DCC: variants seen among roughly 807,000 people sequenced by gnomAD.
The protein encoded by DCC is DCC netrin 1 receptor.
DCC carries 58 observed loss-of-function variants against 172.5 expected under a neutral mutation model. The ratio of observed to expected loss-of-function variants is 0.34; its 90% CI spans 0.27 to 0.42. The LOEUF (loss-of-function observed/expected upper bound fraction) is 0.42. Ranked by LOEUF, DCC falls within the 10% of genes least tolerant of loss-of-function variation. The probability of loss-of-function intolerance (pLI) is 1.00; values close to 1 mark genes in which losing one functional copy is unlikely to be tolerated. For missense variants in DCC, 1,740 were observed against 1,791.0 expected (o/e 0.97, Z 0.51); for synonymous variants, 709 against 644.5 (o/e 1.10, Z -1.52).
intron 2 of DCC, among the ~76,000 whole-genome samples, chr18:52,825,699 C>A (rs1481515937): frequency 6.6e-6 from 1 of 151,966 alleles, no homozygotes; most frequent in East Asian, 1.9e-4. Context: ...TTAAAAAAAT[C>A]ACCTTATGTT....
intron 12 of DCC, among the ~76,000 whole-genome samples, chr18:53,239,044 T>C (rs1277176279): frequency 8.0e-5 from 2 of 24,928 alleles, no homozygotes; most frequent in Non-Finnish European, 1.5e-4. Flanking sequence ...GGGCCTGTTG[T>C]GGAGTGGGGG....
In DCC at chr18:53,322,079, G is replaced by T; in HGVS notation, c.2086G>T (p.Val696Leu). The part of the protein sequence containing the change: ...LEKGSQYSFQ[V>L]SAMTVNGTGP... Reference sequence around the variant, plus strand: ...GAAAGGAAGTCAGTACAGTTTCCAGGTGTCAGCCATGACAGTCAATGGTAC... The same window carrying T: ...GAAAGGAAGTCAGTACAGTTTCCAGTTGTCAGCCATGACAGTCAATGGTAC... Residue 696 changes from valine (V) to leucine (L), a missense_variant, in exon 14 of 29, where the codon GTG becomes TTG. This residue lies in a region of DCC where 1,732 missense variants were observed against 1,767.4 expected (regional missense o/e 0.98). Coordinates refer to ENST00000442544, the MANE Select transcript of DCC (RefSeq NM_005215.4). 1 of 1,609,326 alleles carries T rather than the reference G, an allele frequency of 6.2e-7. No individual in the cohort carries two copies. Among genetic ancestry groups the T allele is most frequent in the Non-Finnish European group, 8.5e-7 (1 of 1,175,586 alleles).
At chr18:52,874,905 CAAGGCAGGG>C (rs1423178405) in intron 2 of DCC, among the ~76,000 whole-genome samples, 1 of 151,942 alleles carries the variant, frequency 6.6e-6, no homozygotes, top group Non-Finnish European at 1.5e-5. Flanking sequence ...TTGGGAAAGG[CAAGGCAGGG>C]AAGGGTGAAC....
intron 2 of DCC, among the ~76,000 whole-genome samples, chr18:52,833,170 G>A (rs892037236): frequency 3.3e-5 from 5 of 152,186 alleles, no homozygotes; most frequent in Admixed American, 1.3e-4. Context: ...CCTAGTCCAC[G>A]TTAATTACCT....
intron 15 of DCC, among the ~76,000 whole-genome samples, chr18:53,378,580 C>G (rs373246985): frequency 2.0e-5 from 3 of 152,178 alleles, no homozygotes; most frequent in Non-Finnish European, 4.4e-5. Context: ...TGATTAGGGA[C>G]TTGCTATTCA....
chr18:53,058,386 C>T (rs2042444263), intron 5 of DCC, among the ~76,000 whole-genome samples: 1 of 152,040 alleles, frequency 6.6e-6, no homozygotes. Context: ...TCATTGACAA[C>T]ATTTTGAGAA....
intron 7 of DCC, among the ~76,000 whole-genome samples, chr18:53,099,686 C>T (rs1180631871): frequency 1.3e-5 from 2 of 152,048 alleles, no homozygotes; most frequent in Admixed American, 6.6e-5. Context: ...CTGTTTTTAT[C>T]TGAATAACTA....
At chr18:52,706,996 T>G (rs5026032) in intron 1 of DCC, among the ~76,000 whole-genome samples, 146,255 of 152,212 alleles carry the variant, frequency 0.96, 70,536 homozygotes, top group East Asian at 1. Context: ...GGGATGGAGG[T>G]AGAAGCTGGG....
intron 1 of DCC, among the ~76,000 whole-genome samples, chr18:52,586,990 G>A (rs185197702): frequency 6.6e-6 from 1 of 152,274 alleles, no homozygotes; most frequent in African/African-American, 2.4e-5. Context: ...CATGACAGTG[G>A]GTAAGGCATT....
At chr18:52,541,875 G>GTATATATATATATATATATA (rs765428849) in intron 1 of DCC, among the ~76,000 whole-genome samples, 1,187 of 114,776 alleles carry the variant, frequency 0.01, 24 homozygotes, top group Middle Eastern at 0.024. Flanking sequence ...GTGTGTGTGT[G>GTATATATATATATATATATA]TATATATATA....
intron 7 of DCC, among the ~76,000 whole-genome samples, chr18:53,111,492 C>T (rs1180431225): frequency 1.3e-5 from 2 of 150,876 alleles, no homozygotes; most frequent in African/African-American, 4.9e-5. Flanking sequence ...AATTCTCTTT[C>T]CTGCTTGTTA....
At chr18:52,934,790 A>ACT in intron 5 of DCC, 1 of 151,966 alleles carries the variant, frequency 6.6e-6, no homozygotes, top group Admixed American at 6.6e-5. Context: ...TTACTGGAGC[A>ACT]CTCTCTCCAC....
intron 7 of DCC, among the ~76,000 whole-genome samples, chr18:53,084,066 A>T (rs532278470): frequency 3.3e-5 from 5 of 152,278 alleles, no homozygotes; most frequent in Admixed American, 3.3e-4. Context: ...TTTATTTTTA[A>T]AAAGGAATTC....
At chr18:52,424,270 G>A (rs553165038) in intron 1 of DCC, among the ~76,000 whole-genome samples, 10 of 152,200 alleles carry the variant, frequency 6.6e-5, no homozygotes, top group East Asian at 3.9e-4. Flanking sequence ...ATCACCGTTC[G>A]TGCTGGGAGC....
At chr18:53,075,938 G>T (rs2042719702) in intron 7 of DCC, among the ~76,000 whole-genome samples, 1 of 152,092 alleles carries the variant, frequency 6.6e-6, no homozygotes, top group African/African-American at 2.4e-5. Flanking sequence ...TAGCATCTCT[G>T]CTAGTTTCTG....
At chr18:52,452,988 GCC>G (rs1988351676) in intron 1 of DCC, among the ~76,000 whole-genome samples, 1 of 152,176 alleles carries the variant, frequency 6.6e-6, no homozygotes, top group Non-Finnish European at 1.5e-5. Context: ...AACAATGGTG[GCC>G]CAATTTTGGG....
intron 1 of DCC, among the ~76,000 whole-genome samples, chr18:52,643,364 T>G (rs1050634976): frequency 2.6e-5 from 4 of 152,152 alleles, no homozygotes; most frequent in Non-Finnish European, 1.5e-5. Flanking sequence ...CATGCTTACA[T>G]TCTCCCTGGT....
In DCC at chr18:53,207,711, G is replaced by A. The variant is rs2055675290; in HGVS notation, c.1755G>A (p.Leu585=). 1 of 1,613,520 alleles carries A rather than the reference G, an allele frequency of 6.2e-7. No homozygotes were observed. The highest frequency in any genetic ancestry group is 1.7e-5 in the Admixed American group (1 of 60,008). Residue 585 remains leucine, a synonymous_variant, in exon 11 of 29, where the codon CTG becomes CTA. Transcript: ENST00000442544. ...NIEVDGLSYK[L]EGLKKFTEYS... ...AGGTTGATGGACTATCTTATAAACTGGAAGGCCTGAAAAAATTCACCGAAT... is the reference window on the plus strand; with the variant it reads ...AGGTTGATGGACTATCTTATAAACTAGAAGGCCTGAAAAAATTCACCGAAT...
chr18:52,710,979 G>A (rs1389339789), intron 1 of DCC, among the ~76,000 whole-genome samples: 1 of 152,180 alleles, frequency 6.6e-6, no homozygotes, highest in Non-Finnish European at 1.5e-5. Context: ...TTGGTCTCTA[G>A]GAGATTTTAT....
Sources: allele counts gnomAD v4.1 joint callset (sites outside exome capture counted in the v4.1 genomes callset), GRCh38; gene constraint gnomAD v4.1.1; regional missense constraint gnomAD v4.1.1; transcripts MANE v1.5; gene names NCBI Gene and HGNC (gene_info 2026-07-23, HGNC 2026-07-21).